Variants in ATXN1 observed in about 807,000 individuals in gnomAD.
The protein encoded by ATXN1 is ataxin-1.
A neutral mutation model predicts 56.4 loss-of-function variants in ATXN1; 8 were observed. That is an observed-to-expected ratio of 0.14 (90% CI 0.08 to 0.26). ATXN1 has a LOEUF of 0.26. Ranked by LOEUF, ATXN1 falls within the 10% of genes least tolerant of loss-of-function variation. The probability of loss-of-function intolerance (pLI) is 1.00; values close to 1 mark genes in which losing one functional copy is unlikely to be tolerated. For synonymous variants in ATXN1, 514 were observed against 494.6 expected (o/e 1.04, Z -0.52); for missense variants, 987 against 1,106.5 (o/e 0.89, Z 1.53).
intron 3 of ATXN1, among the ~76,000 whole-genome samples, chr6:16,607,491 A>G (rs1010829929): frequency 6.6e-6 from 1 of 152,112 alleles, no homozygotes; most frequent in Admixed American, 6.5e-5. Context: ...GCATGTCCCA[A>G]TGTGTCAGTG....
chr6:16,436,374 AT>A (rs1759390723), intron 6 of ATXN1, among the ~76,000 whole-genome samples: 1 of 152,178 alleles, frequency 6.6e-6, no homozygotes, highest in Non-Finnish European at 1.5e-5. Context: ...ACAACAAATA[AT>A]TACCTATCCT....
At chr6:16,617,781 A>C (rs1261237008) in intron 3 of ATXN1, among the ~76,000 whole-genome samples, 2 of 127,268 alleles carry the variant, frequency 1.6e-5, no homozygotes, top group Non-Finnish European at 3.4e-5. Context: ...AAAAAAAAAA[A>C]AGAAATATAC....
In ATXN1 at chr6:16,328,774, G is replaced by A. The variant is rs1437686752; in HGVS notation, c.-160-304C>T. Among the ~76,000 whole-genome samples the A allele has an allele frequency of 2.0e-5, 3 of 152,096 alleles. No individual in the cohort carries two copies. Among genetic ancestry groups the A allele is most frequent in the Admixed American group, 6.6e-5 (1 of 15,266 alleles). On this transcript the variant is annotated intron_variant, in intron 6 of 7. Transcript: ENST00000436367. This position sits in a 1 kb window ranked among gnomAD's most constrained non-coding sequence, Gnocchi z 6.2. ...AAATAAAAAATAAAAAACAAATTTA[G>A]CCTGGTGTAACATTAGCTGGCACAC...
intron 3 of ATXN1, among the ~76,000 whole-genome samples, chr6:16,625,962 G>A (rs149132704): frequency 6.6e-6 from 1 of 152,270 alleles, no homozygotes; most frequent in Non-Finnish European, 1.5e-5. Flanking sequence ...GAATTAAAAC[G>A]AGTGATTGTA....
chr6:16,442,873 G>A (rs1037115197), intron 6 of ATXN1, among the ~76,000 whole-genome samples: 3 of 152,082 alleles, frequency 2.0e-5, no homozygotes, highest in Admixed American at 1.3e-4. Flanking sequence ...TTACCTGGTC[G>A]TGGTGGCGCA....
At chr6:16,629,808 T>C (rs1348785034) in intron 3 of ATXN1, among the ~76,000 whole-genome samples, 1 of 151,380 alleles carries the variant, frequency 6.6e-6, no homozygotes, top group African/African-American at 2.4e-5. Context: ...TCCCAGCTAC[T>C]TGGGAGGCTG....
At chr6:16,643,275 A>C (rs984571858) in intron 3 of ATXN1, among the ~76,000 whole-genome samples, 1 of 151,486 alleles carries the variant, frequency 6.6e-6, no homozygotes, top group Non-Finnish European at 1.5e-5. Context: ...AAAAGACACA[A>C]TATCTCTGAG....
At chr6:16,477,741 A>G (rs889127718) in intron 6 of ATXN1, among the ~76,000 whole-genome samples, 1 of 152,214 alleles carries the variant, frequency 6.6e-6, no homozygotes, top group Non-Finnish European at 1.5e-5. Context: ...GAGATCGCCT[A>G]ACATCTTGGC....
At chr6:16,710,366 T>C (rs1759496902) in intron 2 of ATXN1, among the ~76,000 whole-genome samples, 1 of 152,134 alleles carries the variant, frequency 6.6e-6, no homozygotes, top group East Asian at 1.9e-4. Flanking sequence ...AGGTGAATTT[T>C]CCTTAAATTT....
intron 4 of ATXN1, among the ~76,000 whole-genome samples, chr6:16,533,698 A>G (rs538243860): frequency 3.3e-5 from 5 of 152,300 alleles, no homozygotes; most frequent in Admixed American, 2.6e-4. Flanking sequence ...AAAACTCACA[A>G]TCTCCAGTTA....
At chr6:16,673,043 A>G (rs1758580660) in intron 2 of ATXN1, among the ~76,000 whole-genome samples, 1 of 151,894 alleles carries the variant, frequency 6.6e-6, no homozygotes, top group Admixed American at 6.6e-5. Context: ...AAAAGAAAAG[A>G]AAAGAAAGAA....
chr6:16,611,049 AT>A (rs1302568826), intron 3 of ATXN1, among the ~76,000 whole-genome samples: 1 of 152,110 alleles, frequency 6.6e-6, no homozygotes, highest in Non-Finnish European at 1.5e-5. Context: ...ATATATACAC[AT>A]ATAAGGAGAG....
intron 2 of ATXN1, among the ~76,000 whole-genome samples, chr6:16,690,387 T>A (rs1759021070): frequency 6.6e-6 from 1 of 151,144 alleles, no homozygotes; most frequent in Non-Finnish European, 1.5e-5. Context: ...CAACTAGATG[T>A]GTGAGTGACA....
intron 3 of ATXN1, among the ~76,000 whole-genome samples, chr6:16,586,121 C>T (rs1288228518): frequency 1.3e-5 from 2 of 152,214 alleles, no homozygotes; most frequent in East Asian, 3.9e-4. Flanking sequence ...CAGCAGGTCC[C>T]TATCCCCAGG....
intron 3 of ATXN1, among the ~76,000 whole-genome samples, chr6:16,606,091 T>C (rs1762999307): frequency 6.6e-6 from 1 of 152,098 alleles, no homozygotes; most frequent in African/African-American, 2.4e-5. Flanking sequence ...ATCACGCCAC[T>C]GCACTCCAGC....
At chr6:16,717,119 C>T (rs570048876) in intron 2 of ATXN1, among the ~76,000 whole-genome samples, 2 of 152,260 alleles carry the variant, frequency 1.3e-5, no homozygotes, top group Admixed American at 1.3e-4. Context: ...CCTGCCCCAG[C>T]CAGCACCTGA....
chr6:16,347,652 G>A lies in ATXN1; in HGVS notation c.-160-19182C>T, dbSNP rs182837163. Among the ~76,000 whole-genome samples, 21 of 152,070 alleles carry A rather than the reference G, an allele frequency of 1.4e-4. No individual in the cohort carries two copies. The East Asian group carries it at 2.5e-3, about 18-fold the overall frequency. ...TGGGGACTTGGAGAACCTTTGTGTC[G>A]ACACTCTTTATTTAGCTAATCTAGT... On this transcript the variant is annotated intron_variant, in intron 6 of 7. Coordinates refer to ENST00000436367, the MANE Select transcript of ATXN1 (RefSeq NM_001128164.2).
chr6:16,657,494 T>C (rs1355714341), intron 3 of ATXN1, among the ~76,000 whole-genome samples: 1 of 152,246 alleles, frequency 6.6e-6, no homozygotes, highest in Admixed American at 6.5e-5. Context: ...TTTGTGTGTT[T>C]AGTTGTTTGG....
At chr6:16,384,686 G>A (rs1758201813) in intron 6 of ATXN1, among the ~76,000 whole-genome samples, 1 of 152,180 alleles carries the variant, frequency 6.6e-6, no homozygotes, top group Non-Finnish European at 1.5e-5. Flanking sequence ...ATGAGATCTG[G>A]TTGTTTAAAA....
Sources: allele counts gnomAD v4.1 joint callset (sites outside exome capture counted in the v4.1 genomes callset), GRCh38; gene constraint gnomAD v4.1.1; non-coding constraint Gnocchi (gnomAD v3.1); transcripts MANE v1.5; gene names NCBI Gene and HGNC (gene_info 2026-07-23, HGNC 2026-07-21).